ZNF649: variants seen among roughly 807,000 people sequenced by gnomAD.
The protein encoded by ZNF649 is zinc finger protein 649.
ZNF649 carries 7 observed loss-of-function variants against 14.1 expected under a neutral mutation model. That is an observed-to-expected ratio of 0.49 (90% CI 0.28 to 0.93). The LOEUF is 0.93. ZNF649 is among the 40% of genes least tolerant of loss of function. ZNF649 has a pLI of 0.10. For missense variants in ZNF649, 544 were observed against 608.1 expected, an observed-to-expected ratio of 0.89 and a Z score of 1.11; for synonymous variants, 227 against 212.3, an observed-to-expected ratio of 1.07 and a Z score of -0.60.
In ZNF649 at chr19:51,891,090, A is replaced by G. The variant is rs1412623083; in HGVS notation, c.1046T>C (p.Ile349Thr). The part of the protein sequence containing the change: ...THTGEKPYGC[I>T]DCGKAFSQKS... ...CTGGCTGAAGGCCTTGCCACAGTCA[A>G]TGCATCCATAAGGTTTCTCTCCAGT... Residue 349 changes from isoleucine (I) to threonine (T), a missense_variant, in exon 5 of 5, where the codon ATT becomes ACT. Physicochemically the swap from Ile to Thr is moderately conservative, Grantham distance 89. Transcript: ENST00000354957. This position sits in a 1 kb window ranked among gnomAD's most constrained non-coding sequence, Gnocchi z 4.2. The G allele has an allele frequency of 9.3e-6, 15 of 1,614,056 alleles. No homozygotes were observed. Among genetic ancestry groups the G allele is most frequent in the Non-Finnish European group, 1.2e-5 (14 of 1,180,030 alleles).
intron 2 of ZNF649, among the ~76,000 whole-genome samples, chr19:51,898,630 T>C (rs574515763): frequency 6.6e-6 from 1 of 151,748 alleles, no homozygotes; most frequent in Non-Finnish European, 1.5e-5. Context: ...TCATCAACCA[T>C]GGCTGGGTGC....
At chr19:51,897,003 T>C in intron 2 of ZNF649, 25 bp from the exon 3 acceptor site, 1 of 1,613,604 alleles carries the variant, frequency 6.2e-7, no homozygotes, top group Non-Finnish European at 8.5e-7. Flanking sequence ...TCCTGCTTAA[T>C]ATGTTTCTCT....
intron 1 of ZNF649, among the ~76,000 whole-genome samples, chr19:51,901,255 A>C (rs1223789193): frequency 6.6e-6 from 1 of 152,106 alleles, no homozygotes; most frequent in Admixed American, 6.6e-5. Context: ...GATAAATCAC[A>C]TTGTTTGAAA....
At position 51,891,938 on chromosome 19, in the gene ZNF649, G is replaced by A. The variant is rs199506365; in HGVS notation, c.239-41C>T. 3.2e-4 allele frequency: 475 copies of A among 1,506,990 alleles called. 2 individuals are homozygous for A. The South Asian group carries it at 3.7e-3, about 12-fold the overall frequency. 93.4% of individuals were successfully genotyped at this position (1,506,990 alleles called of 1,614,324 possible). A position where few individuals can be genotyped will look rare whatever the true frequency, so the allele number is the denominator to read the frequency against. On this transcript the variant is annotated intron_variant, in intron 4 of 4. Coordinates refer to ENST00000354957, the MANE Select transcript of ZNF649 (RefSeq NM_023074.4). The surrounding 1 kb of genome is among the most constrained non-coding windows in gnomAD (Gnocchi z 4.2). The stretch of plus-strand genomic sequence containing the variant: ...ATAAATCCTTCCATGATCATCACAC[G>A]GAATAAAACTGCTTCAAAGATGCCT...
chr19:51,897,931 G>A (rs2085073061), intron 2 of ZNF649, among the ~76,000 whole-genome samples: 1 of 151,972 alleles, frequency 6.6e-6, no homozygotes, highest in Non-Finnish European at 1.5e-5. Context: ...AGACCAGCCT[G>A]GCTAACATGG....
Position 51,891,408 on chromosome 19 carries a change from A to G in ZNF649, c.728T>C (p.Phe243Ser), listed in dbSNP as rs1375089585. 6.2e-7 allele frequency: 1 copy of G among 1,614,066 alleles called. No individual in the cohort carries two copies. Among genetic ancestry groups the G allele is most frequent in the Non-Finnish European group, 8.5e-7 (1 of 1,180,020 alleles). Residue 243 changes from phenylalanine to serine, a missense_variant, in exon 5 of 5, where the codon TTC (phenylalanine) becomes TCC (serine). Transcript: ENST00000354957. This position sits in a 1 kb window ranked among gnomAD's most constrained non-coding sequence, Gnocchi z 4.2. Reference sequence around the variant, plus strand: ...TTCAGTGAGCCTGTACCTCTTGTAGAAGGCTTTCCCACACAAGCTACACCC... The same window carrying G: ...TTCAGTGAGCCTGTACCTCTTGTAGGAGGCTTTCCCACACAAGCTACACCC... ...PHGCSLCGKAFYKRYRLTEHE... is the reference protein window; with the variant it reads ...PHGCSLCGKASYKRYRLTEHE...
chr19:51,903,401 GC>G (rs1568457775), intron 1 of ZNF649, among the ~76,000 whole-genome samples: 2 of 152,126 alleles, frequency 1.3e-5, no homozygotes, highest in African/African-American at 4.8e-5. Flanking sequence ...CCAGCCAGAA[GC>G]CCCCAGTCAC....
chr19:51,892,864 C>G (rs1230404718), intron 4 of ZNF649, among the ~76,000 whole-genome samples: 1 of 152,196 alleles, frequency 6.6e-6, no homozygotes, highest in Admixed American at 6.5e-5. Context: ...AGGGTTAAGT[C>G]ACACACCCCC....
intron 4 of ZNF649, among the ~76,000 whole-genome samples, chr19:51,894,674 A>T (rs1414415429): frequency 6.6e-6 from 1 of 152,218 alleles, no homozygotes; most frequent in African/African-American, 2.4e-5. Flanking sequence ...TAACAAAAAC[A>T]TTTCACACGT....
At position 51,891,619 on chromosome 19, in the gene ZNF649, T is replaced by C; in HGVS notation, c.517A>G (p.Asn173Asp). ...SQFLKHQQTH[N>D]IEKAHECTDC... ...GTGCATTCATGGGCTTTCTCTATGT[T>C]GTGTGTTTGCTGATGTTTAAGGAAT... is the stretch of plus-strand genomic sequence containing the variant. Residue 173 changes from asparagine to aspartate, a missense_variant, in exon 5 of 5, where the codon AAC becomes GAC. Coordinates refer to ENST00000354957, the MANE Select transcript of ZNF649 (RefSeq NM_023074.4). This position sits in a 1 kb window ranked among gnomAD's most constrained non-coding sequence, Gnocchi z 4.2. 6.2e-7 allele frequency: 1 copy of C among 1,614,226 alleles called. No individual in the cohort carries two copies. Among genetic ancestry groups the C allele is most frequent in the East Asian group, 2.2e-5 (1 of 44,886 alleles).
intron 2 of ZNF649, among the ~76,000 whole-genome samples, chr19:51,898,972 C>T (rs1312861555): frequency 6.6e-6 from 1 of 151,942 alleles, no homozygotes; most frequent in Non-Finnish European, 1.5e-5. Context: ...ATCTGGAGGT[C>T]GGGGGTGGGA....
In ZNF649 at chr19:51,891,364, C is replaced by T. The variant is rs2085021055; in HGVS notation, c.772G>A (p.Gly258Arg). 1 of 1,614,206 alleles carries T rather than the reference C, an allele frequency of 6.2e-7. No individual in the cohort carries two copies. Among genetic ancestry groups the T allele is most frequent in the Non-Finnish European group, 8.5e-7 (1 of 1,180,020 alleles). ...TCACTGCACCCGTATGGTTTCTCTC[C>T]TTTGTGAGCTCTCTCGTGTTCAGTG... The part of the protein sequence containing the change: ...RLTEHERAHK[G>R]EKPYGCSECG... The change falls in exon 5 of 5, where the codon GGA becomes AGA. Residue 258 changes from glycine (G) to arginine (R), a missense_variant. Physicochemically the swap from Gly to Arg is moderately radical, Grantham distance 125. Transcript: ENST00000354957. The surrounding 1 kb of genome is among the most constrained non-coding windows in gnomAD (Gnocchi z 4.2).
In ZNF649 at chr19:51,892,873, C is replaced by T. The variant is rs917812851; in HGVS notation, c.239-976G>A. Among the ~76,000 whole-genome samples the T allele has an allele frequency of 3.3e-5, 5 of 152,158 alleles. 1 individual carries two copies. Among genetic ancestry groups the T allele is most frequent in the Admixed American group, 3.3e-4 (5 of 15,280 alleles). On this transcript the variant is annotated intron_variant, in intron 4 of 4. Transcript: ENST00000354957. ...CAGGTAAGGGTTAAGTCACACACCCCCTACATTTAAAGAATAAACTATGTT... is the reference window on the plus strand; with the variant it reads ...CAGGTAAGGGTTAAGTCACACACCCTCTACATTTAAAGAATAAACTATGTT...
intron 4 of ZNF649, among the ~76,000 whole-genome samples, chr19:51,895,696 T>C: frequency 6.6e-6 from 1 of 151,938 alleles, no homozygotes; most frequent in East Asian, 1.9e-4. Flanking sequence ...AGACAATGCT[T>C]ATGGCACTCT....
chr19:51,890,570 A>C lies in ZNF649; in HGVS notation c.*48T>G, dbSNP rs2085012520. The C allele has an allele frequency of 4.6e-6, 6 of 1,302,056 alleles. No individual in the cohort carries two copies. The highest frequency in any genetic ancestry group is 6.5e-6 in the Non-Finnish European group (6 of 917,238). The allele number at this position is 1,302,056 out of a possible 1,614,324, so 80.7% of individuals were successfully genotyped here. ...AGCCAAAGGCCCATGGGACATGACA[A>C]ACTCAGCATTCCGCTGGAGGCTATA... On this transcript the variant is annotated 3_prime_UTR_variant, in exon 5 of 5. Coordinates refer to ENST00000354957, the MANE Select transcript of ZNF649 (RefSeq NM_023074.4).
chr19:51,891,783 G>T lies in ZNF649; in HGVS notation c.353C>A (p.Thr118Asn). ...TCTGTTGTATCTTCTGCTCTGGTTG[G>T]TTAAACCTAAATATGATTTCAAAGT... Reference protein sequence around the residue: ...GRTLKSYLGLTNQSRRYNRKE... With the variant: ...GRTLKSYLGLNNQSRRYNRKE... The change falls in exon 5 of 5, where the codon ACC becomes AAC. Residue 118 changes from threonine (T) to asparagine (N), a missense_variant. Thr to Asn is a moderately conservative substitution (Grantham distance 65, BLOSUM62 0). Coordinates refer to ENST00000354957, the MANE Select transcript of ZNF649 (RefSeq NM_023074.4). This position sits in a 1 kb window ranked among gnomAD's most constrained non-coding sequence, Gnocchi z 4.2. 1 of 1,613,926 alleles carries T rather than the reference G, an allele frequency of 6.2e-7. No individual in the cohort carries two copies. The highest frequency in any genetic ancestry group is 8.5e-7 in the Non-Finnish European group (1 of 1,179,984).
At chr19:51,894,504 T>A (rs1278117756) in intron 4 of ZNF649, among the ~76,000 whole-genome samples, 1 of 152,206 alleles carries the variant, frequency 6.6e-6, no homozygotes, top group Non-Finnish European at 1.5e-5. Flanking sequence ...GTCATATGTC[T>A]TCATCTTAAT....
chr19:51,891,910 A>G lies in ZNF649; in HGVS notation c.239-13T>C. 2 of 1,538,518 alleles carry G rather than the reference A, an allele frequency of 1.3e-6. No homozygotes were observed. The highest frequency in any genetic ancestry group is 1.7e-6 in the Non-Finnish European group (2 of 1,150,280). ...GCTTTCTCAATTTCTAAGAGAGAGA[A>G]CAATAAATCCTTCCATGATCATCAC... is the stretch of plus-strand genomic sequence containing the variant. On this transcript the variant is annotated splice_polypyrimidine_tract_variant and intron_variant, in intron 4 of 4. Coordinates refer to ENST00000354957, the MANE Select transcript of ZNF649 (RefSeq NM_023074.4). This position sits in a 1 kb window ranked among gnomAD's most constrained non-coding sequence, Gnocchi z 4.2.
At chr19:51,898,973 G>A (rs1000178939) in intron 2 of ZNF649, among the ~76,000 whole-genome samples, 10 of 152,006 alleles carry the variant, frequency 6.6e-5, no homozygotes, top group Non-Finnish European at 1.2e-4. Flanking sequence ...TCTGGAGGTC[G>A]GGGGTGGGAC....
Sources: allele counts gnomAD v4.1 joint callset (sites outside exome capture counted in the v4.1 genomes callset), GRCh38; gene constraint gnomAD v4.1.1; non-coding constraint Gnocchi (gnomAD v3.1); transcripts MANE v1.5; gene names NCBI Gene and HGNC (gene_info 2026-07-23, HGNC 2026-07-21).